The following SLC6A7 variants were observed in gnomAD, a reference collection of about 807,000 sequenced individuals.
The protein encoded by SLC6A7 is solute carrier family 6 member 7.
A neutral mutation model predicts 73.1 loss-of-function variants in SLC6A7; 58 were observed. That is an observed-to-expected ratio of 0.79 (90% CI 0.64 to 0.99). The LOEUF is 0.99. Ranked by LOEUF, SLC6A7 falls within the 50% of genes least tolerant of loss-of-function variation. The pLI, the probability that SLC6A7 is intolerant of heterozygous loss-of-function variation, is 0.00. For missense variants in SLC6A7, 783 were observed against 831.4 expected (o/e 0.94, Z 0.72); for synonymous variants, 338 against 338.7 (o/e 1.00, Z 0.02).
intron 13 of SLC6A7, among the ~76,000 whole-genome samples, chr5:150,206,263 C>A (rs1753694477): frequency 6.6e-6 from 1 of 152,118 alleles, no homozygotes; most frequent in Non-Finnish European, 1.5e-5. Context: ...AAGAGACCAT[C>A]ATCATGAATG....
chr5:150,194,600 A>G lies in SLC6A7; in HGVS notation c.34-128A>G, dbSNP rs75923245. ...TGACAAGGTTAGTCCAGTTGAGAGC[A>G]CTTGATTATCTGGACTGAGAATGTC... is the stretch of plus-strand genomic sequence containing the variant. On this transcript the variant is annotated intron_variant, in intron 1 of 13. Coordinates refer to ENST00000230671, the MANE Select transcript of SLC6A7 (RefSeq NM_014228.5). The G allele has an allele frequency of 2.8e-3, 2,028 of 721,278 alleles. 8 individuals are homozygous for G. Among genetic ancestry groups the G allele is most frequent in the Middle Eastern group, 4.1e-3 (17 of 4,108 alleles). 44.7% of individuals were successfully genotyped at this position (721,278 alleles called of 1,614,324 possible). A position where few individuals can be genotyped will look rare whatever the true frequency, so the allele number is the denominator to read the frequency against.
chr5:150,206,778 A>G (rs1225828724), intron 13 of SLC6A7, among the ~76,000 whole-genome samples: 1 of 152,158 alleles, frequency 6.6e-6, no homozygotes, highest in African/African-American at 2.4e-5. Flanking sequence ...GTACCTGCAA[A>G]GGGAGGGAAG....
chr5:150,209,584 A>C lies in SLC6A7; in HGVS notation c.1880A>C (p.Glu627Ala). 6.2e-7 allele frequency: 1 copy of C among 1,611,912 alleles called. No individual in the cohort carries two copies. Among genetic ancestry groups the C allele is most frequent in the South Asian group, 1.1e-5 (1 of 90,736 alleles). ...FENTAIEVDR[E>A]IAEEEESMM is the part of the protein sequence containing the mutation. Reference sequence around the variant, plus strand: ...AACACGGCCATCGAGGTGGACCGTGAGATTGCAGAGGAGGAGGAGTCGATG... The same window carrying C: ...AACACGGCCATCGAGGTGGACCGTGCGATTGCAGAGGAGGAGGAGTCGATG... Residue 627 changes from glutamate to alanine, a missense_variant, in exon 14 of 14, where the codon GAG (glutamate) becomes GCG (alanine). By Grantham distance (107) the Glu-to-Ala change is moderately radical (BLOSUM62 -1). Transcript: ENST00000230671.
In SLC6A7 at chr5:150,197,127, C is replaced by T. The variant is rs749927944; in HGVS notation, c.435C>T (p.Phe145=). ...TCGCCTACGTGCTCTTCTACCTCTT[C>T]GCCTCCCTCACCAGCGACCTACCCT... The part of the protein sequence containing the change: ...MIIAYVLFYL[F]ASLTSDLPWE... The change falls in exon 4 of 14, where the codon TTC becomes TTT. Residue 145 remains phenylalanine, a synonymous_variant. Coordinates refer to ENST00000230671, the MANE Select transcript of SLC6A7 (RefSeq NM_014228.5). The T allele has an allele frequency of 2.1e-5, 34 of 1,613,998 alleles. No homozygotes were observed. The East Asian group carries it at 4.9e-4, about 23-fold the overall frequency.
intron 2 of SLC6A7, 77 bp from the exon 3 acceptor site, chr5:150,196,638 AG>A (rs1359292201): frequency 1.4e-6 from 2 of 1,435,894 alleles, no homozygotes; most frequent in Non-Finnish European, 1.9e-6. Context: ...TCTGCAGGCC[AG>A]GGGAGGGGCG....
Position 150,209,478 on chromosome 5 carries a change from G to A in SLC6A7, c.1774G>A (p.Val592Met), listed in dbSNP as rs965284833. ...SLEENRTGMY[V>M]ATLAGSQSPK... ...GGAGGAGAACCGGACGGGCATGTAT[G>A]TGGCCACGCTGGCTGGGAGCCAGTC... is the stretch of plus-strand genomic sequence containing the variant. The change falls in exon 14 of 14, where the codon GTG becomes ATG. Residue 592 changes from valine to methionine, a missense_variant. By Grantham distance (21) the Val-to-Met change is conservative. Transcript: ENST00000230671. The A allele has an allele frequency of 2.5e-6, 4 of 1,614,210 alleles. No homozygotes were observed. The highest frequency in any genetic ancestry group is 2.5e-6 in the Non-Finnish European group (3 of 1,180,058).
chr5:150,194,858 T>C lies in SLC6A7; in HGVS notation c.164T>C (p.Val55Ala). Residue 55 changes from valine to alanine, a missense_variant, in exon 2 of 14, where the codon GTA (valine) becomes GCA (alanine). By Grantham distance (64) the Val-to-Ala change is moderately conservative (BLOSUM62 0). Coordinates refer to ENST00000230671, the MANE Select transcript of SLC6A7 (RefSeq NM_014228.5). ...CTGCTGTCCTGCATTGGCTACTGTG[T>C]AGGCCTGGGGAATGTCTGGCGCTTC... ...DFLLSCIGYCVGLGNVWRFPY... is the reference protein window; with the variant it reads ...DFLLSCIGYCAGLGNVWRFPY... 1.9e-6 allele frequency: 3 copies of C among 1,614,158 alleles called. No individual in the cohort carries two copies. The highest frequency in any genetic ancestry group is 1.7e-5 in the Admixed American group (1 of 60,032).
At position 150,205,446 on chromosome 5, in the gene SLC6A7, C is replaced by T. The variant is rs1350176397; in HGVS notation, c.1534-10C>T. ...AGCCCGCAGTGATGCTGGGAGTCCC[C>T]ACTCTGCAGGCCCTCATGGTGTATA... On this transcript the variant is annotated splice_polypyrimidine_tract_variant and intron_variant, in intron 12 of 13. Transcript: ENST00000230671. The T allele has an allele frequency of 2.5e-6, 4 of 1,579,690 alleles. No individual in the cohort carries two copies. Among genetic ancestry groups the T allele is most frequent in the South Asian group, 1.2e-5 (1 of 85,698 alleles).
chr5:150,201,923 A>G lies in SLC6A7; in HGVS notation c.859-424A>G, dbSNP rs74558684. Among the ~76,000 whole-genome samples, 491 of 152,254 alleles carry G rather than the reference A, an allele frequency of 3.2e-3. 3 individuals carry two copies. The highest frequency in any genetic ancestry group is 0.011 in the African/African-American group (475 of 41,536). Reference sequence around the variant, plus strand: ...TACAGATAGGGATCCTGCGGTCCAGAGGGGTGACCTGGCTTGTTCAGGCTG... The same window carrying G: ...TACAGATAGGGATCCTGCGGTCCAGGGGGGTGACCTGGCTTGTTCAGGCTG... On this transcript the variant is annotated intron_variant, in intron 6 of 13. Transcript: ENST00000230671.
At chr5:150,203,580 G>A in intron 8 of SLC6A7, 87 bp from the exon 9 acceptor site, 1 of 710,748 alleles carries the variant, frequency 1.4e-6, no homozygotes, top group Non-Finnish European at 2.6e-6. Context: ...TGGCCCAAAT[G>A]AGTGTAAGTG....
intron 4 of SLC6A7, among the ~76,000 whole-genome samples, chr5:150,198,088 A>AAAG (rs1753141043): frequency 1.9e-5 from 2 of 104,540 alleles, no homozygotes; most frequent in Non-Finnish European, 4.3e-5. Context: ...AGAAAGAAAG[A>AAAG]AAGAAAGAAA....
intron 13 of SLC6A7, among the ~76,000 whole-genome samples, chr5:150,206,806 G>C (rs12652602): frequency 1.2e-4 from 18 of 152,114 alleles, no homozygotes; most frequent in Non-Finnish European, 1.6e-4. Flanking sequence ...AGTTGCTTAG[G>C]GGGGAGGCTC....
At chr5:150,190,455 A>G in intron 1 of SLC6A7, 95 bp downstream of exon 1, 1 of 818,962 alleles carries the variant, frequency 1.2e-6, no homozygotes, top group East Asian at 3.4e-5. Context: ...CTGAGGATGC[A>G]CCCAGACCAG....
At position 150,197,089 on chromosome 5, in the gene SLC6A7, T is replaced by C; in HGVS notation, c.397T>C (p.Tyr133His). The C allele has an allele frequency of 6.2e-7, 1 of 1,614,136 alleles. No individual in the cohort carries two copies. Among genetic ancestry groups the C allele is most frequent in the Non-Finnish European group, 8.5e-7 (1 of 1,180,028 alleles). ...LLIVGLVAIY[Y>H]NMIIAYVLFY... is the part of the protein sequence containing the mutation. ...CATCGTGGGCTTGGTGGCCATCTAC[T>C]ACAACATGATCATCGCCTACGTGCT... Residue 133 changes from tyrosine to histidine, a missense_variant, in exon 4 of 14, where the codon TAC (tyrosine) becomes CAC (histidine). Coordinates refer to ENST00000230671, the MANE Select transcript of SLC6A7 (RefSeq NM_014228.5).
Position 150,203,655 on chromosome 5 carries a change from CCCCTGGCCCAGG to C in SLC6A7, c.1088-3_1096del. On this transcript the variant is annotated splice_acceptor_variant and splice_polypyrimidine_tract_variant and coding_sequence_variant and intron_variant, in exon 9 of 14. Transcript: ENST00000230671. LOFTEE classifies it high-confidence loss of function. ...TGACCCAAGCTGCTGACCCCGTGTG[CCCCTGGCCCAGG>C]CCCTGGCCTGGCCTTTGTCGTCTAC... 2 of 1,471,918 alleles carry C rather than the reference CCCCTGGCCCAGG, an allele frequency of 1.4e-6. No individual in the cohort carries two copies. Among genetic ancestry groups the C allele is most frequent in the Non-Finnish European group, 1.9e-6 (2 of 1,050,444 alleles). 91.2% of individuals were successfully genotyped at this position (1,471,918 alleles called of 1,614,324 possible).
At chr5:150,197,006 T>C in intron 3 of SLC6A7, 36 bp from the exon 4 acceptor site, 1 of 1,591,384 alleles carries the variant, frequency 6.3e-7, no homozygotes, top group South Asian at 1.1e-5. Flanking sequence ...GCAGAGAGCT[T>C]GGCCTGGGCA....
chr5:150,204,960 G>A (rs772778621), intron 12 of SLC6A7, 33 bp downstream of exon 12: 1 of 1,344,332 alleles, frequency 7.4e-7, no homozygotes, highest in Non-Finnish European at 1.1e-6. Flanking sequence ...TTTCTGGCTG[G>A]GGCCCCAGAA....
rs765810178 is a variant in SLC6A7, at chr5:150,197,250, C to T, written c.558C>T (p.Thr186=). The T allele has an allele frequency of 6.8e-6, 11 of 1,611,244 alleles. No homozygotes were observed. Among genetic ancestry groups the T allele is most frequent in the South Asian group, 2.2e-5 (2 of 90,742 alleles). ...CCCTGCCCCTCAACCTCACCTGCAC[C>T]GTCAGCCCCAGCGAGGAGTACTGGA... ...NGALPLNLTC[T]VSPSEEYWSR... is the part of the protein sequence containing the mutation. The change falls in exon 4 of 14, where the codon ACC becomes ACT. Residue 186 remains threonine, a synonymous_variant. Transcript: ENST00000230671.
At position 150,194,718 on chromosome 5, in the gene SLC6A7, T is replaced by A; in HGVS notation, c.34-10T>A. ...TTCTCCCCAACCTCTTTGGTCTCTC[T>A]CATTGGCAGCCTGTCACCCCAGACC... On this transcript the variant is annotated splice_polypyrimidine_tract_variant and intron_variant, in intron 1 of 13. Transcript: ENST00000230671. 6.2e-7 allele frequency: 1 copy of A among 1,612,290 alleles called. No individual in the cohort carries two copies. The highest frequency in any genetic ancestry group is 1.1e-5 in the South Asian group (1 of 90,756).
Sources: gnomAD v4.1 joint callset for allele counts (sites outside exome capture counted in the v4.1 genomes callset) on GRCh38, gnomAD v4.1.1 for gene constraint, MANE v1.5 for transcripts, NCBI Gene and HGNC (gene_info 2026-07-23, HGNC 2026-07-21) for gene names.